GRAP2: variants seen among roughly 807,000 people sequenced by gnomAD.
The protein encoded by GRAP2 is GRB2-related adapter protein 2.
GRAP2 carries 31 observed loss-of-function variants against 43.5 expected under a neutral mutation model. The observed-to-expected ratio is 0.71, with a 90% CI of 0.54 to 0.96. GRAP2 has a LOEUF of 0.96. Among genes scored for constraint, GRAP2 ranks in the 40% least tolerant of loss-of-function variants. The probability of loss-of-function intolerance (pLI) is 0.00; values close to 1 mark genes in which losing one functional copy is unlikely to be tolerated. For missense variants in GRAP2, 371 were observed against 424.4 expected, an observed-to-expected ratio of 0.87 and a Z score of 1.11; for synonymous variants, 156 against 164.8, an observed-to-expected ratio of 0.95 and a Z score of 0.41.
chr22:39,943,643 C>A (rs9623090), intron 1 of GRAP2, among the ~76,000 whole-genome samples: 1 of 151,720 alleles, frequency 6.6e-6, no homozygotes, highest in Non-Finnish European at 1.5e-5. Context: ...TCAGCCATTT[C>A]TAAAGCCCAT....
At chr22:39,968,393 A>G in intron 6 of GRAP2, 121 bp downstream of exon 6, 1 of 1,087,286 alleles carries the variant, frequency 9.2e-7, no homozygotes, top group South Asian at 1.5e-5. Context: ...GACCCCCCCA[A>G]ATGGCAGAAA....
intron 7 of GRAP2, among the ~76,000 whole-genome samples, chr22:39,970,614 T>C (rs1461211278): frequency 6.6e-6 from 1 of 151,956 alleles, no homozygotes; most frequent in Admixed American, 6.6e-5. Flanking sequence ...TGTGCATAGG[T>C]ATCTGATTTA....
chr22:39,968,290 AG>A lies in GRAP2; in HGVS notation c.690+19del, dbSNP rs753623447. 41 of 1,612,656 alleles carry A rather than the reference AG, an allele frequency of 2.5e-5. 1 individual carries two copies. In the South Asian group the frequency reaches 4.4e-4, roughly 17 times the overall value. ...TCCACCAGGTATCTGGAAAGAAGGC[AG>A]TGGGCACAGTACGGTGGAAAGGAGA... On this transcript the variant is annotated intron_variant, in intron 6 of 7. Transcript: ENST00000344138.
intron 1 of GRAP2, among the ~76,000 whole-genome samples, chr22:39,929,812 C>T (rs576005826): frequency 2.6e-5 from 4 of 152,190 alleles, no homozygotes; most frequent in Non-Finnish European, 5.9e-5. Context: ...GGAGTCTCTA[C>T]ATAGATCATT....
rs2067100207 is a variant in GRAP2 at position 39,960,029 on chromosome 22, C to T, written c.171-26C>T. The T allele has an allele frequency of 1.9e-6, 3 of 1,612,178 alleles. No individual in the cohort carries two copies. In the African/African-American group the frequency reaches 4.0e-5, roughly 22 times the overall value. ...TGTCACTCCTGTGTCTCATCCTGAT[C>T]CTTTTGTTTGATCTCGCCCCCACAG... is the stretch of plus-strand genomic sequence containing the variant. On this transcript the variant is annotated intron_variant, in intron 3 of 7. Coordinates refer to ENST00000344138, the MANE Select transcript of GRAP2 (RefSeq NM_004810.4).
upstream of GRAP2, among the ~76,000 whole-genome samples, chr22:39,898,813 C>CA (rs2066475430): frequency 1.3e-5 from 2 of 151,388 alleles, no homozygotes; most frequent in Admixed American, 6.6e-5. Context: ...ACTCAGTCTC[C>CA]AAAAAACAAA....
chr22:39,903,004 C>T (rs1195296473), intron 1 of GRAP2, among the ~76,000 whole-genome samples: 1 of 152,160 alleles, frequency 6.6e-6, no homozygotes, highest in Non-Finnish European at 1.5e-5. Context: ...GAAAATGATC[C>T]TAGTTCCAAC....
chr22:39,934,237 A>G (rs2066784842), intron 1 of GRAP2, among the ~76,000 whole-genome samples: 1 of 152,230 alleles, frequency 6.6e-6, no homozygotes, highest in African/African-American at 2.4e-5. Flanking sequence ...ATGAGGACAG[A>G]TAGGCTGAAG....
chr22:39,964,315 T>C (rs1363957505), intron 4 of GRAP2: 3 of 686,226 alleles, frequency 4.4e-6, no homozygotes, highest in Non-Finnish European at 7.9e-6. Context: ...CAACAAAAGG[T>C]GCTGATCTAA....
chr22:39,946,981 A>G (rs1296431832), intron 1 of GRAP2, 112 bp from the exon 2 acceptor site: 10 of 720,504 alleles, frequency 1.4e-5, no homozygotes, highest in Admixed American at 7.7e-5. Flanking sequence ...TCCGGCCTGG[A>G]GACATCCATC....
intron 1 of GRAP2, among the ~76,000 whole-genome samples, chr22:39,924,313 C>A (rs1055461001): frequency 3.3e-5 from 5 of 152,118 alleles, no homozygotes; most frequent in African/African-American, 4.8e-5. Flanking sequence ...GCTTTTTTTC[C>A]TAGAAGAGGG....
At position 39,971,380 on chromosome 22, in the gene GRAP2, C is replaced by T; in HGVS notation, c.*296C>T. 1 of 380,004 alleles carries T rather than the reference C, an allele frequency of 2.6e-6. No individual in the cohort carries two copies. Among genetic ancestry groups the T allele is most frequent in the Non-Finnish European group, 4.7e-6 (1 of 213,846 alleles). 23.5% of individuals were successfully genotyped at this position (380,004 alleles called of 1,614,324 possible). A position where few individuals can be genotyped will look rare whatever the true frequency, so the allele number is the denominator to read the frequency against. On this transcript the variant is annotated 3_prime_UTR_variant, in exon 8 of 8. Transcript: ENST00000344138. ...GAAATGAAATGGAGTTTTGTCCTGG[C>T]CTTCAGCTGTCACTGCTTCCTCCTT...
Position 39,906,548 on chromosome 22 carries a change from A to T in GRAP2, c.-15+5218A>T, listed in dbSNP as rs538596718. 2.0e-4 allele frequency among the ~76,000 whole-genome samples: 31 copies of T among 152,318 alleles called. No homozygotes were observed. In the South Asian group the frequency reaches 6.2e-3, roughly 31 times the overall value. ...TTCTAAAGAGAACTAAAAATAAATA[A>T]GAAAAAAAAAATCCAGCATTAATAA... On this transcript the variant is annotated intron_variant, in intron 1 of 7. Coordinates refer to ENST00000344138, the MANE Select transcript of GRAP2 (RefSeq NM_004810.4).
chr22:39,939,175 A>G (rs1292815631), intron 1 of GRAP2, among the ~76,000 whole-genome samples: 1 of 152,226 alleles, frequency 6.6e-6, no homozygotes, highest in African/African-American at 2.4e-5. Flanking sequence ...CAGTAAAGCC[A>G]GAAATGTTTA....
chr22:39,907,447 A>G (rs2145570243), intron 1 of GRAP2, among the ~76,000 whole-genome samples: 1 of 152,328 alleles, frequency 6.6e-6, no homozygotes, highest in Middle Eastern at 3.4e-3. Context: ...TTGTACACTG[A>G]TCCTGATGGA....
intron 4 of GRAP2, among the ~76,000 whole-genome samples, chr22:39,962,244 G>A (rs1200681386): frequency 6.6e-6 from 1 of 152,118 alleles, no homozygotes. Flanking sequence ...GGCAACTAGT[G>A]AGACCTCATC....
At chr22:39,901,376 A>G in intron 1 of GRAP2, 46 bp downstream of exon 1, 1 of 642,394 alleles carries the variant, frequency 1.6e-6, no homozygotes, top group Non-Finnish European at 2.5e-6. Context: ...GAAACTTTGA[A>G]CAGTTTTATA....
intron 2 of GRAP2, among the ~76,000 whole-genome samples, chr22:39,955,614 G>C (rs911966183): frequency 3.3e-5 from 5 of 152,118 alleles, no homozygotes; most frequent in African/African-American, 9.7e-5. Flanking sequence ...AAATAACCTG[G>C]GGTCAGGAGA....
chr22:39,919,101 G>T (rs781104138), intron 1 of GRAP2, among the ~76,000 whole-genome samples: 3 of 152,040 alleles, frequency 2.0e-5, no homozygotes, highest in African/African-American at 7.3e-5. Flanking sequence ...TTGTACCACG[G>T]CACTCCAGCC....
Sources: allele counts gnomAD v4.1 joint callset (sites outside exome capture counted in the v4.1 genomes callset), GRCh38; gene constraint gnomAD v4.1.1; transcripts MANE v1.5; gene names NCBI Gene and HGNC (gene_info 2026-07-23, HGNC 2026-07-21).